The following COL11A1 variants were observed in gnomAD, a reference collection of about 807,000 sequenced individuals.
COL11A1 encodes collagen type XI alpha 1 chain, also known as collagen alpha-1(XI) chain.
A neutral mutation model predicts 265.2 loss-of-function variants in COL11A1; 74 were observed. The observed-to-expected ratio is 0.28, with a 90% CI of 0.23 to 0.34. COL11A1 has a LOEUF of 0.34. Among genes scored for constraint, COL11A1 ranks in the 10% least tolerant of loss-of-function variants. The probability of loss-of-function intolerance (pLI) is 1.00; values close to 1 mark genes in which losing one functional copy is unlikely to be tolerated. For missense variants in COL11A1, 2,165 were observed against 2,263.6 expected (o/e 0.96, Z 0.88); for synonymous variants, 816 against 727.6 (o/e 1.12, Z -1.96).
chr1:103,013,097 T>C (rs1453593542), intron 13 of COL11A1, among the ~76,000 whole-genome samples: 1 of 152,208 alleles, frequency 6.6e-6, no homozygotes, highest in East Asian at 1.9e-4. Context: ...GTACAAAAGA[T>C]AAAAATTTGA....
At chr1:102,928,337 G>A (rs1393705066) in intron 46 of COL11A1, among the ~76,000 whole-genome samples, 1 of 150,286 alleles carries the variant, frequency 6.7e-6, no homozygotes, top group South Asian at 2.1e-4. Flanking sequence ...ACCTATGAGT[G>A]AGAATATGCG....
chr1:102,935,219 T>C, intron 44 of COL11A1, 106 bp from the exon 45 acceptor site: 1 of 853,518 alleles, frequency 1.2e-6, no homozygotes, highest in South Asian at 1.5e-5. Flanking sequence ...CTGCACTCCT[T>C]TGGAAAAAAA....
chr1:102,984,140 T>G lies in COL11A1; in HGVS notation c.2554A>C (p.Lys852Gln). 6.3e-7 allele frequency: 1 copy of G among 1,598,886 alleles called. No homozygotes were observed. Among genetic ancestry groups the G allele is most frequent in the Non-Finnish European group, 8.6e-7 (1 of 1,167,814 alleles). The change falls in exon 31 of 67, where the codon AAG becomes CAG. Residue 852 changes from lysine to glutamine, a missense_variant and splice_region_variant. Physicochemically the swap from Lys to Gln is moderately conservative, Grantham distance 53. Transcript: ENST00000370096. ...LPGYPGRQGP[K>Q]GSTGFPGFPG... ...CTATAAATATCAAGCTGTTTTACCT[T>G]TGGACCTTGTCTTCCTGGATATCCT...
At chr1:102,981,628 A>G (rs904893504) in intron 31 of COL11A1, among the ~76,000 whole-genome samples, 27 of 152,030 alleles carry the variant, frequency 1.8e-4, no homozygotes, top group African/African-American at 6.5e-4. Flanking sequence ...CATATAAGGA[A>G]TTATCACCAA....
At chr1:102,929,338 T>C (rs1657066627) in intron 46 of COL11A1, among the ~76,000 whole-genome samples, 1 of 152,182 alleles carries the variant, frequency 6.6e-6, no homozygotes, top group Non-Finnish European at 1.5e-5. Context: ...GCACCATTTA[T>C]TAAATAGGGA....
At chr1:102,961,437 T>C (rs1422546419) in intron 41 of COL11A1, among the ~76,000 whole-genome samples, 2 of 152,150 alleles carry the variant, frequency 1.3e-5, no homozygotes, top group African/African-American at 2.4e-5. Context: ...TATAAACAAA[T>C]TAAATATGTT....
rs866190902 is a variant in COL11A1, at chr1:102,933,624, C to G, written c.3600+825G>C. ...GAGCTGTGGTGGGCTCCACCCAGCT[C>G]GAGCTTCCTGGCTGCTTTGTTTACC... On this transcript the variant is annotated intron_variant, in intron 46 of 66. Coordinates refer to ENST00000370096, the MANE Select transcript of COL11A1 (RefSeq NM_001854.4). 4.8e-4 allele frequency among the ~76,000 whole-genome samples: 73 copies of G among 152,304 alleles called. No homozygotes were observed. The Middle Eastern group carries it at 0.014, about 28-fold the overall frequency.
chr1:103,076,768 T>G (rs1231812895), intron 3 of COL11A1, among the ~76,000 whole-genome samples: 1 of 152,136 alleles, frequency 6.6e-6, no homozygotes, highest in Non-Finnish European at 1.5e-5. Flanking sequence ...CTATCAGCAC[T>G]TCGCATATTT....
chr1:102,889,896 A>G (rs1488032470), intron 58 of COL11A1, among the ~76,000 whole-genome samples: 1 of 152,142 alleles, frequency 6.6e-6, no homozygotes, highest in Non-Finnish European at 1.5e-5. Flanking sequence ...AATAAATAAC[A>G]GAAAACTCAT....
rs887094987 is a variant in COL11A1 at position 103,030,949 on chromosome 1, A to C, written c.780+167T>G. The C allele has an allele frequency of 1.1e-5, 9 of 828,470 alleles. No homozygotes were observed. The African/African-American group carries it at 1.2e-4, about 11-fold the overall frequency. The allele number at this position is 828,470 out of a possible 1,614,324, so 51.3% of individuals were successfully genotyped here. On this transcript the variant is annotated intron_variant, in intron 5 of 66. Transcript: ENST00000370096. ...TCAAATGCTTAAACAGCAAGAAAAC[A>C]AGTACCAAATATATTCAAGTCACTT...
intron 28 of COL11A1, among the ~76,000 whole-genome samples, chr1:102,992,411 C>A (rs898031485): frequency 3.9e-5 from 6 of 151,986 alleles, no homozygotes; most frequent in Non-Finnish European, 5.9e-5. Context: ...GAATTTTAGT[C>A]ATAATTAGAG....
In COL11A1 at chr1:102,979,024, T is replaced by A. The variant is rs764303691; in HGVS notation, c.2655+36A>T. ...TTATCTTGATACACTAAATTCAATA[T>A]GAAAAATGTACATCATTTTAAATCA... On this transcript the variant is annotated intron_variant, in intron 33 of 66. Transcript: ENST00000370096. The A allele has an allele frequency of 3.1e-6, 5 of 1,613,214 alleles. No individual in the cohort carries two copies. In the Admixed American group the frequency reaches 8.3e-5, roughly 27 times the overall value.
intron 26 of COL11A1, among the ~76,000 whole-genome samples, chr1:102,996,489 C>G (rs538523841): frequency 6.6e-6 from 1 of 151,594 alleles, no homozygotes; most frequent in African/African-American, 2.4e-5. Context: ...AATTATATAT[C>G]TTCCAAAAGC....
intron 42 of COL11A1, among the ~76,000 whole-genome samples, chr1:102,944,512 G>C (rs887669909): frequency 4.6e-5 from 7 of 152,092 alleles, no homozygotes; most frequent in Non-Finnish European, 8.8e-5. Flanking sequence ...GGGGAAGCAA[G>C]GCATTCCCTT....
chr1:103,026,275 C>T lies in COL11A1; in HGVS notation c.838G>A (p.Glu280Lys), dbSNP rs1476686839. ...GGTCCCTCTGTTACACTTTCAGCCT[C>T]TTTATACTCTGCTTCCCCATACTCA... is the stretch of plus-strand genomic sequence containing the variant. The part of the protein sequence containing the change: ...DYEYGEAEYK[E>K]AESVTEGPTV... The change falls in exon 6 of 67, where the codon GAG becomes AAG. Residue 280 changes from glutamate to lysine, a missense_variant. Coordinates refer to ENST00000370096, the MANE Select transcript of COL11A1 (RefSeq NM_001854.4). The T allele has an allele frequency of 1.2e-6, 2 of 1,613,780 alleles. No individual in the cohort carries two copies. The highest frequency in any genetic ancestry group is 2.2e-5 in the South Asian group (2 of 91,076).
intron 64 of COL11A1, among the ~76,000 whole-genome samples, chr1:102,882,109 A>C (rs1285559539): frequency 6.6e-6 from 1 of 152,150 alleles, no homozygotes; most frequent in Non-Finnish European, 1.5e-5. Flanking sequence ...TCAAAATGTC[A>C]GTCAGCTTCA....
At chr1:102,883,446 G>T (rs1650524086) in intron 63 of COL11A1, 135 bp from the exon 64 acceptor site, 1 of 674,670 alleles carries the variant, frequency 1.5e-6, no homozygotes. Flanking sequence ...AAGCTTTTGG[G>T]CATATTGGGG....
chr1:102,975,266 A>T (rs1371200388), intron 35 of COL11A1, among the ~76,000 whole-genome samples: 1 of 56,718 alleles, frequency 1.8e-5, no homozygotes, highest in Non-Finnish European at 3.4e-5. Flanking sequence ...AGCCCCGCTT[A>T]AAAAAAAAAA....
intron 4 of COL11A1, among the ~76,000 whole-genome samples, chr1:103,065,384 T>G (rs1371083475): frequency 4.4e-4 from 67 of 150,976 alleles, no homozygotes; most frequent in East Asian, 1.4e-3. Context: ...GCCGGGCGTG[T>G]TGGCAGGCGC....
Sources: gnomAD v4.1 joint callset for allele counts (sites outside exome capture counted in the v4.1 genomes callset) on GRCh38, gnomAD v4.1.1 for gene constraint, MANE v1.5 for transcripts, NCBI Gene and HGNC (gene_info 2026-07-23, HGNC 2026-07-21) for gene names.